STARD13: variants seen among roughly 807,000 people sequenced by gnomAD.
STARD13 encodes the protein stAR-related lipid transfer protein 13.
STARD13 carries 62 observed loss-of-function variants against 106.4 expected under a neutral mutation model. That is an observed-to-expected ratio of 0.58 (90% CI 0.48 to 0.72). The LOEUF (loss-of-function observed/expected upper bound fraction) is 0.72, where lower values mean the gene tolerates loss of function less well. Ranked by LOEUF, STARD13 falls within the 30% of genes least tolerant of loss-of-function variation. STARD13 has a pLI of 0.00. For missense variants in STARD13, 1,387 were observed against 1,424.0 expected, an observed-to-expected ratio of 0.97 and a Z score of 0.42; for synonymous variants, 565 against 553.0, an observed-to-expected ratio of 1.02 and a Z score of -0.31.
downstream of STARD13, among the ~76,000 whole-genome samples, chr13:33,346,408 T>G (rs1034400917): frequency 6.6e-6 from 1 of 152,146 alleles, no homozygotes; most frequent in African/African-American, 2.4e-5. Flanking sequence ...CTAAATATGG[T>G]CACATGGCAC....
chr13:33,485,334 C>T, the STARD13 span, among the ~76,000 whole-genome samples: 2 of 152,046 alleles, frequency 1.3e-5, no homozygotes, highest in Non-Finnish European at 2.9e-5. Context: ...AAGTATAAAA[C>T]ATTTGTTTTT....
Position 33,110,096 on chromosome 13 carries a change from G to T in STARD13, c.2830-6C>A. 1 of 1,613,758 alleles carries T rather than the reference G, an allele frequency of 6.2e-7. No individual in the cohort carries two copies. The highest frequency in any genetic ancestry group is 8.5e-7 in the Non-Finnish European group (1 of 1,179,814). On this transcript the variant is annotated splice_polypyrimidine_tract_variant and splice_region_variant and intron_variant, in intron 11 of 13. Transcript: ENST00000336934. ...AGCGGGTTCCCGTCGCCCACCTTGG[G>T]AAAGACAACGTCAGAAGCTGAAGAG...
At chr13:33,269,526 C>G (rs910178083) in intron 1 of STARD13, among the ~76,000 whole-genome samples, 1 of 152,186 alleles carries the variant, frequency 6.6e-6, no homozygotes, top group Non-Finnish European at 1.5e-5. Flanking sequence ...ACACCAGGCT[C>G]TTCTGCCTAG....
the STARD13 span, among the ~76,000 whole-genome samples, chr13:33,431,681 A>G: frequency 5.3e-5 from 8 of 152,376 alleles, no homozygotes; most frequent in South Asian, 1.7e-3. Context: ...AAAATTTAAC[A>G]CACCATTTAA....
At chr13:33,555,254 A>C in the STARD13 span, among the ~76,000 whole-genome samples, 1 of 152,214 alleles carries the variant, frequency 6.6e-6, no homozygotes, top group Non-Finnish European at 1.5e-5. Flanking sequence ...CTCTTAGCCT[A>C]GCATCAAATC....
At chr13:33,490,521 G>A in the STARD13 span, among the ~76,000 whole-genome samples, 2 of 152,172 alleles carry the variant, frequency 1.3e-5, no homozygotes, top group Non-Finnish European at 2.9e-5. Flanking sequence ...GCATCTGGAT[G>A]CTGAGAGGAG....
intron 3 of STARD13, among the ~76,000 whole-genome samples, chr13:33,148,099 CA>C (rs1303773009): frequency 2.0e-5 from 3 of 152,100 alleles, no homozygotes; most frequent in African/African-American, 4.8e-5. Flanking sequence ...AGTGTAAACA[CA>C]AAGCTATACA....
intron 1 of STARD13, among the ~76,000 whole-genome samples, chr13:33,214,138 T>C (rs1449257900): frequency 6.6e-6 from 1 of 152,250 alleles, no homozygotes; most frequent in Non-Finnish European, 1.5e-5. Context: ...TCTTTTAAAG[T>C]TCACTTTGAA....
the STARD13 span, among the ~76,000 whole-genome samples, chr13:33,460,874 G>A: frequency 2.0e-5 from 3 of 152,148 alleles, no homozygotes; most frequent in Non-Finnish European, 4.4e-5. Context: ...AAATGTGTGT[G>A]CTATTCATAC....
chr13:33,249,253 C>T (rs1889978994), intron 1 of STARD13, among the ~76,000 whole-genome samples: 1 of 152,194 alleles, frequency 6.6e-6, no homozygotes, highest in Admixed American at 6.5e-5. Context: ...TCAATAAATT[C>T]CAATCCTAAG....
intron 5 of STARD13, among the ~76,000 whole-genome samples, chr13:33,128,534 A>C (rs1283942876): frequency 6.6e-6 from 1 of 152,188 alleles, no homozygotes; most frequent in Non-Finnish European, 1.5e-5. Flanking sequence ...GGAGCAAAAA[A>C]AGTGTAAAAT....
intron 1 of STARD13, among the ~76,000 whole-genome samples, chr13:33,275,404 T>C (rs1450634899): frequency 6.6e-6 from 1 of 152,238 alleles, no homozygotes; most frequent in Admixed American, 6.5e-5. Context: ...GCACTTAGTA[T>C]GTGCCAGACA....
chr13:33,542,774 G>A, the STARD13 span, among the ~76,000 whole-genome samples: 2 of 152,364 alleles, frequency 1.3e-5, no homozygotes, highest in African/African-American at 4.8e-5. Flanking sequence ...GGGATCCGGT[G>A]ACGCCTCTTC....
At chr13:33,328,409 A>G (rs897017267) in intron 1 of STARD13, among the ~76,000 whole-genome samples, 1 of 152,258 alleles carries the variant, frequency 6.6e-6, no homozygotes, top group African/African-American at 2.4e-5. Flanking sequence ...GGCCACTAGA[A>G]TGAAATAAAA....
chr13:33,369,928 A>G, the STARD13 span, among the ~76,000 whole-genome samples: 1 of 152,224 alleles, frequency 6.6e-6, no homozygotes, highest in Non-Finnish European at 1.5e-5. Context: ...TTACATTCAA[A>G]AGATAAATTA....
intron 7 of STARD13, among the ~76,000 whole-genome samples, chr13:33,119,624 G>A (rs540755666): frequency 6.6e-6 from 1 of 152,338 alleles, no homozygotes; most frequent in East Asian, 1.9e-4. Context: ...CAGCCGAATG[G>A]ATCACAGGGG....
intron 1 of STARD13, among the ~76,000 whole-genome samples, chr13:33,252,513 T>C (rs1384662699): frequency 6.6e-6 from 1 of 152,164 alleles, no homozygotes; most frequent in Admixed American, 6.5e-5. Flanking sequence ...AGTTTCAGCT[T>C]TGAACAGTTC....
the STARD13 span, among the ~76,000 whole-genome samples, chr13:33,423,359 G>A: frequency 6.6e-5 from 10 of 152,182 alleles, no homozygotes; most frequent in Non-Finnish European, 1.5e-4. Flanking sequence ...ATCATCACTG[G>A]TCATCAGAGA....
rs750771741 is a variant in STARD13, at chr13:33,110,901, G to A, written c.2614C>T (p.His872Tyr). 1.2e-6 allele frequency: 2 copies of A among 1,612,626 alleles called. No individual in the cohort carries two copies. Among genetic ancestry groups the A allele is most frequent in the African/African-American group, 2.7e-5 (2 of 74,902 alleles). ...TTACGAGACTGGGCCACCAACTCGT[G>A]TGGAACCTAGACCAACGGATGCATG... The part of the protein sequence containing the change: ...MECDRLFEVP[H>Y]ELVAQSRNSY... The change falls in exon 11 of 14, where the codon CAC becomes TAC. Residue 872 changes from histidine (H) to tyrosine (Y), a missense_variant. By Grantham distance (83) the His-to-Tyr change is moderately conservative. Coordinates refer to ENST00000336934, the MANE Select transcript of STARD13 (RefSeq NM_178006.4).
Sources: allele counts gnomAD v4.1 joint callset (sites outside exome capture counted in the v4.1 genomes callset), GRCh38; gene constraint gnomAD v4.1.1; transcripts MANE v1.5; gene names NCBI Gene and HGNC (gene_info 2026-07-23, HGNC 2026-07-21).